Variants in CD163 observed in about 807,000 individuals in gnomAD.
CD163 encodes scavenger receptor cysteine-rich type 1 protein M130.
Under a neutral mutation model 129.2 loss-of-function variants are expected in CD163, and 64 were observed. The ratio of observed to expected loss-of-function variants is 0.50; its 90% CI spans 0.41 to 0.61. The LOEUF is 0.61. CD163 is among the 20% of genes least tolerant of loss of function. CD163 has a pLI of 0.00. For synonymous variants in CD163, 446 were observed against 478.5 expected, an observed-to-expected ratio of 0.93 and a Z score of 0.89; for missense variants, 1,061 against 1,377.9, an observed-to-expected ratio of 0.77 and a Z score of 3.64.
chr12:7,495,491 G>T, intron 5 of CD163, 90 bp from the exon 6 acceptor site: 1 of 1,077,094 alleles, frequency 9.3e-7, no homozygotes. Flanking sequence ...CTCTGATACT[G>T]ATGCATTGAA....
intron 14 of CD163, among the ~76,000 whole-genome samples, chr12:7,481,671 T>C (rs1229305880): frequency 6.6e-6 from 1 of 152,190 alleles, no homozygotes; most frequent in Non-Finnish European, 1.5e-5. Context: ...CTAGATCCCG[T>C]TGCCAAAAGA....
At position 7,485,387 on chromosome 12, in the gene CD163, C is replaced by T; in HGVS notation, c.2488G>A (p.Ala830Thr). ...EFMSLRLTSEASREACAGRLE... is the reference protein window; with the variant it reads ...EFMSLRLTSETSREACAGRLE... ...CGCCCTGCACAGGCCTCTCTGCTGG[C>T]TTCACTGGTCAGTCTCAGAGACATG... The change falls in exon 11 of 17, where the codon GCC becomes ACC. Residue 830 changes from alanine to threonine, a missense_variant. Physicochemically the swap from Ala to Thr is moderately conservative, Grantham distance 58. Transcript: ENST00000432237. This position sits in a 1 kb window ranked among gnomAD's most constrained non-coding sequence, Gnocchi z 4.5. 1 of 1,614,146 alleles carries T rather than the reference C, an allele frequency of 6.2e-7. No individual in the cohort carries two copies. The highest frequency in any genetic ancestry group is 2.2e-5 in the East Asian group (1 of 44,882).
At position 7,487,021 on chromosome 12, in the gene CD163, C is replaced by T. The variant is rs745501707; in HGVS notation, c.2051-35G>A. On this transcript the variant is annotated intron_variant, in intron 8 of 16. Transcript: ENST00000432237. The surrounding 1 kb of genome is among the most constrained non-coding windows in gnomAD (Gnocchi z 5.1). ...CCAAGGTACTCAGTCATACAAGACA[C>T]AAAAGGTTAGGGGAGTCAGATGAAA... 4 of 1,543,564 alleles carry T rather than the reference C, an allele frequency of 2.6e-6. No individual in the cohort carries two copies. Among genetic ancestry groups the T allele is most frequent in the Non-Finnish European group, 3.6e-6 (4 of 1,118,258 alleles).
Position 7,483,464 on chromosome 12 carries a change from C to G in CD163, c.2991G>C (p.Lys997Asn), listed in dbSNP as rs945949258. 1.2e-6 allele frequency: 2 copies of G among 1,613,984 alleles called. No homozygotes were observed. Among genetic ancestry groups the G allele is most frequent in the Admixed American group, 1.7e-5 (1 of 59,994 alleles). Residue 997 changes from lysine to asparagine, a missense_variant, in exon 12 of 17, where the codon AAG (lysine) becomes AAC (asparagine). Coordinates refer to ENST00000432237, the MANE Select transcript of CD163 (RefSeq NM_203416.4). ...ACAAGGAAGACTCATTCCCTTTGCA[C>G]TTCACTTCATTGAGCCATATCGGTC... ...GTGPIWLNEV[K>N]CKGNESSLWD...
chr12:7,472,681 C>T (rs1591988333), intron 16 of CD163, among the ~76,000 whole-genome samples: 1 of 152,278 alleles, frequency 6.6e-6, no homozygotes, highest in East Asian at 1.9e-4. Context: ...TAATTGATCA[C>T]AACTCCTGTC....
chr12:7,486,952 T>C lies in CD163; in HGVS notation c.2085A>G (p.Ser695=). ...NQSQTLSSCN[S]SSLGPTRPTI... ...TAGGCCTTGTTGGGCCCAAAGACGATGAATTGCACGAGGACAGTGTTTGGG... is the reference window on the plus strand; with the variant it reads ...TAGGCCTTGTTGGGCCCAAAGACGACGAATTGCACGAGGACAGTGTTTGGG... The change falls in exon 9 of 17, where the codon TCA becomes TCG. Residue 695 remains serine, a synonymous_variant. Transcript: ENST00000432237. 1 of 1,614,138 alleles carries C rather than the reference T, an allele frequency of 6.2e-7. No individual in the cohort carries two copies. The highest frequency in any genetic ancestry group is 1.1e-5 in the South Asian group (1 of 91,078).
intron 12 of CD163, 80 bp from the exon 13 acceptor site, chr12:7,483,084 CT>C: frequency 7.4e-7 from 1 of 1,355,380 alleles, no homozygotes; most frequent in Non-Finnish European, 1.0e-6. Context: ...TGTCTGACCC[CT>C]TAGTACCTCT....
At chr12:7,479,966 G>C (rs754899821) in intron 15 of CD163, 53 bp from the exon 16 acceptor site, 1 of 1,611,506 alleles carries the variant, frequency 6.2e-7, no homozygotes, top group Admixed American at 1.7e-5. Context: ...TAGTTCAGCA[G>C]CACTGAAATC....
intron 16 of CD163, among the ~76,000 whole-genome samples, chr12:7,474,322 A>T (rs1372119611): frequency 6.6e-6 from 1 of 152,210 alleles, no homozygotes; most frequent in Admixed American, 6.5e-5. Flanking sequence ...TGGACCTCAT[A>T]ATTGGAAATA....
chr12:7,483,657 T>C lies in CD163; in HGVS notation c.2798A>G (p.Glu933Gly), dbSNP rs1227286437. 1.2e-6 allele frequency: 2 copies of C among 1,612,064 alleles called. No individual in the cohort carries two copies. Among genetic ancestry groups the C allele is most frequent in the Non-Finnish European group, 1.7e-6 (2 of 1,178,972 alleles). The change falls in exon 12 of 17, where the codon GAA becomes GGA. Residue 933 changes from glutamate (E) to glycine (G), a missense_variant. Transcript: ENST00000432237. Reference protein sequence around the residue: ...ITCDNKIRLQEGPTSCSGRVE... With the variant: ...ITCDNKIRLQGGPTSCSGRVE... ...ACGTCCAGAACAGGAAGTGGGTCCT[T>C]CCTGAAGTCTTATCTTGTCTGAAAA...
Position 7,487,703 on chromosome 12 carries a change from C to G in CD163, c.1736-30G>C, listed in dbSNP as rs1046887322. 11 of 1,614,024 alleles carry G rather than the reference C, an allele frequency of 6.8e-6. No homozygotes were observed. The Admixed American group carries it at 8.3e-5, about 12-fold the overall frequency. On this transcript the variant is annotated intron_variant, in intron 7 of 16. Coordinates refer to ENST00000432237, the MANE Select transcript of CD163 (RefSeq NM_203416.4). The surrounding 1 kb of genome is among the most constrained non-coding windows in gnomAD (Gnocchi z 5.1). ...AAGGAGACAGGGCTTTAGAAAAAGA[C>G]AGCTATGACTCCCTAACCCTGTCCC...
intron 4 of CD163, among the ~76,000 whole-genome samples, chr12:7,497,525 C>T (rs773236433): frequency 1.3e-5 from 2 of 152,278 alleles, no homozygotes; most frequent in South Asian, 4.1e-4. Context: ...TCCCTTTTGC[C>T]TCTGACTGCA....
At chr12:7,471,954 G>A (rs994770062) in intron 16 of CD163, 8 of 152,226 alleles carry the variant, frequency 5.3e-5, no homozygotes, top group African/African-American at 1.7e-4. Flanking sequence ...CGGTTTTCCC[G>A]TGACAGCGCT....
Position 7,482,021 on chromosome 12 carries a change from CT to C in CD163, c.3247+621del, listed in dbSNP as rs746395017. Among the ~76,000 whole-genome samples the C allele has an allele frequency of 3.4e-4, 51 of 152,224 alleles. 2 individuals carry two copies. In the South Asian group the frequency reaches 0.01, roughly 30 times the overall value. On this transcript the variant is annotated intron_variant, in intron 14 of 16. Transcript: ENST00000432237. ...GTTAATTACTCCCTTCTCTGTGCCACTTTTGTTCCTTTTTCCTATTAATGTA... is the reference window on the plus strand; with the variant it reads ...GTTAATTACTCCCTTCTCTGTGCCACTTTGTTCCTTTTTCCTATTAATGTA...
intron 15 of CD163, chr12:7,480,135 C>T: frequency 2.8e-6 from 2 of 716,260 alleles, no homozygotes; most frequent in South Asian, 2.0e-5. Flanking sequence ...AAAGTCTTTC[C>T]TATTTCTTAA....
intron 1 of CD163, 23 bp from the exon 2 acceptor site, chr12:7,502,587 A>G: frequency 8.1e-7 from 1 of 1,236,582 alleles, no homozygotes; most frequent in Non-Finnish European, 1.2e-6. Flanking sequence ...AAAGAGGGCA[A>G]AAGTAGCATC....
At chr12:7,482,307 C>T (rs566228913) in intron 14 of CD163, among the ~76,000 whole-genome samples, 1 of 152,270 alleles carries the variant, frequency 6.6e-6, no homozygotes, top group South Asian at 2.1e-4. Context: ...AGATAGAACA[C>T]AGGAATCATC....
chr12:7,486,386 T>C (rs1349256337), intron 10 of CD163, 113 bp downstream of exon 10: 2 of 1,029,582 alleles, frequency 1.9e-6, no homozygotes, highest in Non-Finnish European at 2.8e-6. Context: ...ACTCCCACAA[T>C]AGTTCCTTTT....
intron 11 of CD163, 37 bp from the exon 12 acceptor site, chr12:7,483,712 T>G: frequency 6.8e-7 from 1 of 1,462,942 alleles, no homozygotes; most frequent in Non-Finnish European, 9.2e-7. Flanking sequence ...TTTCTAAGAC[T>G]TCTAAAAGTT....
Sources: gnomAD v4.1 joint callset for allele counts (sites outside exome capture counted in the v4.1 genomes callset) on GRCh38, gnomAD v4.1.1 for gene constraint, Gnocchi (gnomAD v3.1) non-coding constraint, MANE v1.5 for transcripts, NCBI Gene and HGNC (gene_info 2026-07-23, HGNC 2026-07-21) for gene names.